The following AKAP1 variants were observed in gnomAD, a reference collection of about 807,000 sequenced individuals.
AKAP1 encodes A-kinase anchor protein 1, mitochondrial.
In AKAP1, 32 loss-of-function variants were observed where a neutral mutation model predicts 79.8. The observed-to-expected ratio is 0.40, with a 90% CI of 0.30 to 0.54. The LOEUF (loss-of-function observed/expected upper bound fraction) is 0.54, where lower values mean the gene tolerates loss of function less well. AKAP1 is among the 20% of genes least tolerant of loss of function. AKAP1 has a pLI of 0.47. For missense variants in AKAP1, 961 were observed against 1,138.9 expected, an observed-to-expected ratio of 0.84 and a Z score of 2.25; for synonymous variants, 416 against 466.7, an observed-to-expected ratio of 0.89 and a Z score of 1.40.
At chr17:57,113,762 C>T (rs1915407153) in intron 5 of AKAP1, among the ~76,000 whole-genome samples, 1 of 151,844 alleles carries the variant, frequency 6.6e-6, no homozygotes, top group Non-Finnish European at 1.5e-5. Flanking sequence ...TCCACCATGC[C>T]CAGCTAATTT....
chr17:57,091,556 C>G (rs1913784617), intron 1 of AKAP1, among the ~76,000 whole-genome samples: 1 of 152,130 alleles, frequency 6.6e-6, no homozygotes, highest in Non-Finnish European at 1.5e-5. Flanking sequence ...AGGCATGTGA[C>G]TGAGGCAGCC....
intron 2 of AKAP1, among the ~76,000 whole-genome samples, chr17:57,109,440 T>C (rs1211145045): frequency 2.0e-5 from 3 of 152,238 alleles, no homozygotes; most frequent in African/African-American, 4.8e-5. Context: ...TCTCCTTTTT[T>C]AGTCCACATA....
rs1479306145 is a variant in AKAP1, at chr17:57,114,583, T to C, written c.2228T>C (p.Met743Thr). Residue 743 changes from methionine (M) to threonine (T), a missense_variant, in exon 6 of 11, where the codon ATG becomes ACG. Around this residue, in one of 3 missense-constraint regions of AKAP1, gnomAD observed 629 missense variants for 781.1 expected, o/e 0.81. Transcript: ENST00000337714. The part of the protein sequence containing the change: ...FHALRSLDQQ[M>T]YLCYSQPGIP... ...GCGCTGCGCAGCCTCGACCAGCAGA[T>C]GTACCTCTGTTACTCTCAGCCTGGA... 1 of 1,614,204 alleles carries C rather than the reference T, an allele frequency of 6.2e-7. No homozygotes were observed. The highest frequency in any genetic ancestry group is 1.7e-5 in the Admixed American group (1 of 60,030).
At chr17:57,099,600 A>G (rs548285909) in intron 1 of AKAP1, among the ~76,000 whole-genome samples, 2 of 152,234 alleles carry the variant, frequency 1.3e-5, no homozygotes, top group East Asian at 3.9e-4. Flanking sequence ...CCAGGCAGTA[A>G]TTCTTCAGTA....
At chr17:57,099,769 T>C (rs913020298) in intron 1 of AKAP1, among the ~76,000 whole-genome samples, 3 of 152,138 alleles carry the variant, frequency 2.0e-5, no homozygotes, top group African/African-American at 7.2e-5. Flanking sequence ...GTGGTGATTC[T>C]GTGCATTCTG....
chr17:57,111,958 C>A, intron 4 of AKAP1, 34 bp downstream of exon 4: 1 of 1,597,860 alleles, frequency 6.3e-7, no homozygotes, highest in African/African-American at 1.3e-5. Flanking sequence ...TTGCCTCTTA[C>A]CTGAAATATT....
At chr17:57,100,914 A>G (rs1914468635) in intron 1 of AKAP1, among the ~76,000 whole-genome samples, 1 of 152,188 alleles carries the variant, frequency 6.6e-6, no homozygotes, top group East Asian at 1.9e-4. Flanking sequence ...CTGTAATGTC[A>G]GGTACTCAGG....
intron 1 of AKAP1, among the ~76,000 whole-genome samples, chr17:57,091,752 G>C (rs770503439): frequency 6.6e-6 from 1 of 151,940 alleles, no homozygotes; most frequent in Non-Finnish European, 1.5e-5. Context: ...ACAGTGGCTC[G>C]ATCATAGCTC....
intron 1 of AKAP1, among the ~76,000 whole-genome samples, chr17:57,104,221 A>C (rs1465477743): frequency 6.6e-6 from 1 of 152,018 alleles, no homozygotes; most frequent in Non-Finnish European, 1.5e-5. Flanking sequence ...CTGCTTCCCA[A>C]AGTGCTGGGA....
In AKAP1 at chr17:57,116,235, G is replaced by A. The variant is rs753998382; in HGVS notation, c.2406G>A (p.Val802=). The change falls in exon 7 of 11, where the codon GTG becomes GTA. Residue 802 remains valine (V), a synonymous_variant. Transcript: ENST00000337714. The part of the protein sequence containing the change: ...RYVDYGGYKR[V]KVDVLRQIRS... ...TGGACTACGGCGGATATAAGAGGGT[G>A]AAAGTAGACGTGCTCCGGCAAATCA... is the stretch of plus-strand genomic sequence containing the variant. The A allele has an allele frequency of 7.4e-6, 12 of 1,614,196 alleles. No individual in the cohort carries two copies. Among genetic ancestry groups the A allele is most frequent in the South Asian group, 1.1e-5 (1 of 91,082 alleles).
chr17:57,086,324 G>T lies in AKAP1; in HGVS notation c.-25+926G>T, dbSNP rs762339528. The T allele has an allele frequency of 2.4e-6, 1 of 420,972 alleles. No homozygotes were observed. Among genetic ancestry groups the T allele is most frequent in the African/African-American group, 2.1e-5 (1 of 48,124 alleles). The allele number at this position is 420,972 out of a possible 1,614,324, so 26.1% of individuals were successfully genotyped here. A position where few individuals can be genotyped will look rare whatever the true frequency, so the allele number is the denominator to read the frequency against. ...ATGCCTCGAACGCGGGCTTTCTGGC[G>T]TTCAACTCTTTTGTGCCCTAGCTGA... On this transcript the variant is annotated intron_variant, in intron 1 of 10. Coordinates refer to ENST00000337714, the MANE Select transcript of AKAP1 (RefSeq NM_003488.4). The surrounding 1 kb of genome is among the most constrained non-coding windows in gnomAD (Gnocchi z 5.1).
intron 1 of AKAP1, among the ~76,000 whole-genome samples, chr17:57,088,465 A>C (rs1223103439): frequency 1.3e-5 from 2 of 152,074 alleles, no homozygotes; most frequent in African/African-American, 2.4e-5. Context: ...TTTAATCCTC[A>C]CACCTCTGAG....
intron 6 of AKAP1, among the ~76,000 whole-genome samples, 195 bp downstream of exon 6, chr17:57,114,831 G>C (rs2144768447): frequency 6.6e-6 from 1 of 152,240 alleles, no homozygotes; most frequent in African/African-American, 2.4e-5. Context: ...AGAGTGATGG[G>C]TGTTGGAGTA....
At chr17:57,101,819 C>G (rs1437056252) in intron 1 of AKAP1, 1 of 152,134 alleles carries the variant, frequency 6.6e-6, no homozygotes, top group Non-Finnish European at 1.5e-5. Context: ...TAGAAACTTC[C>G]CCTCTCCTAC....
chr17:57,091,086 C>T (rs1913756217), intron 1 of AKAP1, among the ~76,000 whole-genome samples: 1 of 152,206 alleles, frequency 6.6e-6, no homozygotes, highest in Non-Finnish European at 1.5e-5. Flanking sequence ...AAGGACAGTT[C>T]AGTCTTCTGT....
chr17:57,090,620 G>A (rs1188369524), intron 1 of AKAP1, among the ~76,000 whole-genome samples: 1 of 152,164 alleles, frequency 6.6e-6, no homozygotes, highest in South Asian at 2.1e-4. Flanking sequence ...TGACTTAAGT[G>A]TGTTCAGCCT....
rs770244788 is a variant in AKAP1 at position 57,105,634 on chromosome 17, C to T, written c.170C>T (p.Pro57Leu). 3 of 1,614,116 alleles carry T rather than the reference C, an allele frequency of 1.9e-6. No homozygotes were observed. The highest frequency in any genetic ancestry group is 2.2e-5 in the East Asian group (1 of 44,874). Reference sequence around the variant, plus strand: ...AGGGCTGACCCTGCCATCAAGGAACCTCTCCCCGTGGAAGACGTCTGTCCC... The same window carrying T: ...AGGGCTGACCCTGCCATCAAGGAACTTCTCCCCGTGGAAGACGTCTGTCCC... The part of the protein sequence containing the change: ...QLRADPAIKE[P>L]LPVEDVCPKV... The change falls in exon 2 of 11, where the codon CCT (proline) becomes CTT (leucine). Residue 57 changes from proline (P) to leucine (L), a missense_variant. This residue lies in a region of AKAP1 where 108 missense variants were observed against 147.6 expected (regional missense o/e 0.73). Transcript: ENST00000337714.
intron 5 of AKAP1, among the ~76,000 whole-genome samples, chr17:57,114,048 G>A (rs971366428): frequency 2.0e-5 from 3 of 152,044 alleles, no homozygotes; most frequent in African/African-American, 7.2e-5. Flanking sequence ...TGTTCTCAGC[G>A]GCCACCTCAT....
At chr17:57,102,448 A>T (rs1256105029) in intron 1 of AKAP1, among the ~76,000 whole-genome samples, 1 of 148,630 alleles carries the variant, frequency 6.7e-6, no homozygotes, top group Non-Finnish European at 1.5e-5. Context: ...GAATTTAGGT[A>T]CCCATCCCTT....
Sources: gnomAD v4.1 joint callset for allele counts (sites outside exome capture counted in the v4.1 genomes callset) on GRCh38, gnomAD v4.1.1 for gene constraint, gnomAD v4.1.1 regional missense constraint, Gnocchi (gnomAD v3.1) non-coding constraint, MANE v1.5 for transcripts, NCBI Gene and HGNC (gene_info 2026-07-23, HGNC 2026-07-21) for gene names.